ETV6: variants seen among roughly 807,000 people sequenced by gnomAD.
The protein encoded by ETV6 is ETS variant transcription factor 6, also known as transcription factor ETV6.
Under a neutral mutation model 51.1 loss-of-function variants are expected in ETV6, and 16 were observed. The ratio of observed to expected loss-of-function variants is 0.31; its 90% CI spans 0.21 to 0.48. ETV6 has a LOEUF of 0.48. Among genes scored for constraint, ETV6 ranks in the 20% least tolerant of loss-of-function variants. The pLI is 0.99. For synonymous variants in ETV6, 240 were observed against 224.1 expected, an observed-to-expected ratio of 1.07 and a Z score of -0.64; for missense variants, 458 against 594.8, an observed-to-expected ratio of 0.77 and a Z score of 2.39.
intron 1 of ETV6, among the ~76,000 whole-genome samples, chr12:11,700,844 T>A (rs148309782): frequency 8.3e-4 from 127 of 152,176 alleles, no homozygotes; most frequent in African/African-American, 2.6e-3. Context: ...CAGTGTAAAT[T>A]TACTGAAAAA....
At chr12:11,817,656 C>T (rs1981440) in intron 2 of ETV6, among the ~76,000 whole-genome samples, 31,052 of 152,040 alleles carry the variant, frequency 0.2, 3,957 homozygotes, top group East Asian at 0.33. Flanking sequence ...TTCAAAAAGT[C>T]ATCTTTTTTT....
At chr12:11,796,056 C>T (rs1945670924) in intron 2 of ETV6, among the ~76,000 whole-genome samples, 1 of 152,118 alleles carries the variant, frequency 6.6e-6, no homozygotes, top group African/African-American at 2.4e-5. Flanking sequence ...TGATGAAGCT[C>T]AAATTACCTT....
intron 1 of ETV6, among the ~76,000 whole-genome samples, chr12:11,724,819 G>T (rs575402633): frequency 1.3e-5 from 2 of 152,188 alleles, no homozygotes; most frequent in Non-Finnish European, 1.5e-5. Flanking sequence ...GACCCTTGCA[G>T]GTTTCCCAAA....
intron 5 of ETV6, 42 bp from the exon 6 acceptor site, chr12:11,884,403 G>T (rs1947155657): frequency 1.2e-6 from 2 of 1,611,150 alleles, no homozygotes; most frequent in Non-Finnish European, 1.7e-6. Context: ...GCCTCAACAA[G>T]AAACATTTTC....
At chr12:11,884,379 T>C in intron 5 of ETV6, 66 bp from the exon 6 acceptor site, 1 of 1,565,904 alleles carries the variant, frequency 6.4e-7, no homozygotes, top group South Asian at 1.1e-5. Context: ...TCTTTTTTGA[T>C]TCTTCTGGTT....
At chr12:11,874,292 G>A (rs1010315267) in intron 5 of ETV6, among the ~76,000 whole-genome samples, 36 of 151,634 alleles carry the variant, frequency 2.4e-4, no homozygotes, top group South Asian at 8.3e-4. Flanking sequence ...TGGGAGAATC[G>A]CTTGAACCTG....
chr12:11,690,441 T>G (rs1403682428), intron 1 of ETV6, among the ~76,000 whole-genome samples: 1 of 152,086 alleles, frequency 6.6e-6, no homozygotes, highest in Non-Finnish European at 1.5e-5. Flanking sequence ...CTTCATATTT[T>G]TATGCTGGTT....
intron 3 of ETV6, among the ~76,000 whole-genome samples, chr12:11,846,147 A>G (rs1421548577): frequency 6.6e-6 from 1 of 152,110 alleles, no homozygotes; most frequent in Non-Finnish European, 1.5e-5. Flanking sequence ...TCCTGAACCC[A>G]TCAAAGGCAG....
chr12:11,766,024 C>T (rs3782138), intron 2 of ETV6, among the ~76,000 whole-genome samples: 28,911 of 151,942 alleles, frequency 0.19, 2,974 homozygotes, highest in East Asian at 0.32. Flanking sequence ...TGGCGGCTCA[C>T]AGGAGGTGAT....
At chr12:11,850,200 C>T (rs1433347902) in intron 3 of ETV6, among the ~76,000 whole-genome samples, 1 of 152,160 alleles carries the variant, frequency 6.6e-6, no homozygotes, top group Non-Finnish European at 1.5e-5. Context: ...CCGCCCCTCC[C>T]CCTGCTTCCT....
At chr12:11,809,283 G>C (rs1945875915) in intron 2 of ETV6, among the ~76,000 whole-genome samples, 1 of 141,738 alleles carries the variant, frequency 7.1e-6, no homozygotes, top group Admixed American at 7.2e-5. Flanking sequence ...CGAGAAGGAA[G>C]GATGCAAAAT....
chr12:11,881,122 G>A (rs369256658), intron 5 of ETV6, among the ~76,000 whole-genome samples: 1 of 152,096 alleles, frequency 6.6e-6, no homozygotes, highest in South Asian at 2.1e-4. Context: ...ATTTTTTGTA[G>A]AGATGAGGTC....
intron 4 of ETV6, among the ~76,000 whole-genome samples, chr12:11,866,438 T>C (rs11054476): frequency 0.081 from 12,297 of 152,288 alleles, 587 homozygotes; most frequent in African/African-American, 0.12. Context: ...GACTGGATGC[T>C]GAGCACATTG....
chr12:11,853,611 G>T (rs779225640), intron 4 of ETV6, 50 bp downstream of exon 4: 4 of 1,598,806 alleles, frequency 2.5e-6, no homozygotes, highest in Non-Finnish European at 3.4e-6. Context: ...ACAAATCCAG[G>T]AAGTTTAATT....
At chr12:11,720,181 A>G (rs970506647) in intron 1 of ETV6, among the ~76,000 whole-genome samples, 5 of 152,230 alleles carry the variant, frequency 3.3e-5, no homozygotes, top group African/African-American at 1.2e-4. Context: ...TGGTGTTAGC[A>G]TGTTCAGGCA....
intron 1 of ETV6, among the ~76,000 whole-genome samples, chr12:11,658,863 GA>G (rs1295786350): frequency 2.0e-5 from 3 of 152,182 alleles, no homozygotes; most frequent in Non-Finnish European, 2.9e-5. Flanking sequence ...GAAAGAAAAG[GA>G]AAAAACCTAA....
intron 1 of ETV6, among the ~76,000 whole-genome samples, chr12:11,682,958 G>A (rs1020433750): frequency 6.6e-6 from 1 of 152,208 alleles, no homozygotes; most frequent in Non-Finnish European, 1.5e-5. Flanking sequence ...CCAGTACCAT[G>A]CTTATACAGC....
chr12:11,696,187 A>G (rs1362908007), intron 1 of ETV6, among the ~76,000 whole-genome samples: 1 of 152,172 alleles, frequency 6.6e-6, no homozygotes, highest in South Asian at 2.1e-4. Context: ...TTTTTTCTGT[A>G]TAGCACTTGT....
chr12:11,884,252 A>C (rs1947152847), intron 5 of ETV6, among the ~76,000 whole-genome samples, 193 bp from the exon 6 acceptor site: 1 of 152,186 alleles, frequency 6.6e-6, no homozygotes, highest in Non-Finnish European at 1.5e-5. Context: ...CCGGTGGGTC[A>C]AAGGTCACAC....
Sources: gnomAD v4.1 joint callset for allele counts (sites outside exome capture counted in the v4.1 genomes callset) on GRCh38, gnomAD v4.1.1 for gene constraint, MANE v1.5 for transcripts, NCBI Gene and HGNC (gene_info 2026-07-23, HGNC 2026-07-21) for gene names.